KIF24: variants seen among roughly 807,000 people sequenced by gnomAD.
KIF24 encodes the protein kinesin-like protein KIF24.
KIF24 carries 81 observed loss-of-function variants against 118.9 expected under a neutral mutation model. That is an observed-to-expected ratio of 0.68 (90% confidence interval 0.57 to 0.82). The LOEUF is 0.82. Among genes scored for constraint, KIF24 ranks in the 40% least tolerant of loss-of-function variants. The pLI, the probability that KIF24 is intolerant of heterozygous loss-of-function variation, is 0.00. For synonymous variants in KIF24, 599 were observed against 610.0 expected (o/e 0.98, Z 0.27); for missense variants, 1,560 against 1,661.6 (o/e 0.94, Z 1.06).
chr9:34,328,052 A>T (rs1470815927), intron 1 of KIF24, among the ~76,000 whole-genome samples: 2 of 152,154 alleles, frequency 1.3e-5, no homozygotes, highest in East Asian at 3.9e-4. Context: ...TAAGGCCACC[A>T]GTGAGCTATG....
At chr9:34,284,451 C>T (rs967579447) in intron 6 of KIF24, among the ~76,000 whole-genome samples, 1 of 152,030 alleles carries the variant, frequency 6.6e-6, no homozygotes, top group African/African-American at 2.4e-5. Flanking sequence ...TGTTTATTAA[C>T]AGGAGAATGG....
At chr9:34,331,305 A>G (rs1837928146), upstream of KIF24, among the ~76,000 whole-genome samples, 1 of 152,198 alleles carries the variant, frequency 6.6e-6, no homozygotes, top group Admixed American at 6.6e-5. Context: ...AGTAACTCAT[A>G]TATTTAGTAC....
chr9:34,313,234 C>G (rs1837226134), intron 1 of KIF24, among the ~76,000 whole-genome samples: 1 of 152,178 alleles, frequency 6.6e-6, no homozygotes, highest in Non-Finnish European at 1.5e-5. Context: ...TCATCTTAGA[C>G]TATCCAGGCC....
chr9:34,279,739 T>G (rs1032671964), intron 6 of KIF24, among the ~76,000 whole-genome samples: 1 of 152,236 alleles, frequency 6.6e-6, no homozygotes, highest in African/African-American at 2.4e-5. Context: ...TGAGCGAGTA[T>G]GAACAGTGAC....
At chr9:34,328,173 T>C (rs981291622) in intron 1 of KIF24, among the ~76,000 whole-genome samples, 12 of 152,134 alleles carry the variant, frequency 7.9e-5, no homozygotes, top group African/African-American at 1.7e-4. Flanking sequence ...ACCTGATGAA[T>C]AGATGGAGTT....
At chr9:34,291,685 G>A (rs996092057) in intron 4 of KIF24, among the ~76,000 whole-genome samples, 8 of 152,014 alleles carry the variant, frequency 5.3e-5, no homozygotes, top group African/African-American at 1.9e-4. Flanking sequence ...GAGTGTTGTG[G>A]GATTCACCCA....
rs148548871 is a variant in KIF24, at chr9:34,270,190, C to T, written c.1338-828G>A. Among the ~76,000 whole-genome samples the T allele has an allele frequency of 4.2e-3, 620 of 147,240 alleles. 5 individuals carry two copies. The highest frequency in any genetic ancestry group is 0.015 in the African/African-American group (585 of 39,764). On this transcript the variant is annotated intron_variant, in intron 7 of 12. Transcript: ENST00000402558. ...GAGCCAAGATCACGCCACTACACTC[C>T]AGCCTGGCGACAGCAAGACTCCATC...
chr9:34,309,985 A>AC (rs1837075970), intron 2 of KIF24, among the ~76,000 whole-genome samples: 1 of 125,338 alleles, frequency 8.0e-6, no homozygotes, highest in South Asian at 2.8e-4. Flanking sequence ...TTTTTTTTTT[A>AC]CAAGATTAAA....
At chr9:34,320,311 C>T (rs1349673426) in intron 1 of KIF24, among the ~76,000 whole-genome samples, 1 of 140,648 alleles carries the variant, frequency 7.1e-6, no homozygotes. Flanking sequence ...TACAGTTTTT[C>T]TTTTCAATAA....
At chr9:34,284,917 A>G (rs1047378492) in intron 6 of KIF24, among the ~76,000 whole-genome samples, 10 of 152,198 alleles carry the variant, frequency 6.6e-5, no homozygotes, top group Non-Finnish European at 1.2e-4. Flanking sequence ...TAAGGAAAAA[A>G]AGGCTCCAAA....
chr9:34,283,973 G>A (rs1835947345), intron 6 of KIF24, among the ~76,000 whole-genome samples: 3 of 152,190 alleles, frequency 2.0e-5, no homozygotes, highest in African/African-American at 7.2e-5. Context: ...ACAGTCGGCA[G>A]CATTTAGTGT....
chr9:34,325,320 G>A (rs1425073459), intron 1 of KIF24, among the ~76,000 whole-genome samples: 1 of 150,524 alleles, frequency 6.6e-6, no homozygotes, highest in East Asian at 2.0e-4. Flanking sequence ...ACTCCAGCCT[G>A]GGCAGTAGGG....
At chr9:34,311,659 T>C (rs1458347327) in intron 1 of KIF24, among the ~76,000 whole-genome samples, 1 of 101,840 alleles carries the variant, frequency 9.8e-6, no homozygotes, top group Non-Finnish European at 2.2e-5. Context: ...TACGTGTATA[T>C]ACATATATAC....
intron 6 of KIF24, among the ~76,000 whole-genome samples, chr9:34,284,051 T>G (rs1260221169): frequency 6.6e-6 from 1 of 152,084 alleles, no homozygotes; most frequent in East Asian, 1.9e-4. Flanking sequence ...GAGGATTGCT[T>G]GAGCCCAGGA....
chr9:34,285,171 T>A (rs1238985453), intron 6 of KIF24, among the ~76,000 whole-genome samples: 1 of 152,194 alleles, frequency 6.6e-6, no homozygotes. Flanking sequence ...TGACTTTTAT[T>A]ACAATAAAAG....
At chr9:34,298,348 C>G (rs967370731) in intron 3 of KIF24, among the ~76,000 whole-genome samples, 1 of 152,154 alleles carries the variant, frequency 6.6e-6, no homozygotes, top group African/African-American at 2.4e-5. Flanking sequence ...GAGTTTGAGA[C>G]CAGCCTGGCC....
At chr9:34,281,658 G>A (rs1383651474) in intron 6 of KIF24, among the ~76,000 whole-genome samples, 3 of 152,200 alleles carry the variant, frequency 2.0e-5, no homozygotes, top group Non-Finnish European at 4.4e-5. Context: ...AGTAGAATCA[G>A]CTAGAGAGGC....
At chr9:34,290,152 G>C (rs773190738) in intron 5 of KIF24, 22 bp downstream of exon 5, 1 of 1,525,322 alleles carries the variant, frequency 6.6e-7, no homozygotes, top group Admixed American at 1.7e-5. Context: ...CAGATTTATC[G>C]CTTCCCACTC....
intron 6 of KIF24, among the ~76,000 whole-genome samples, chr9:34,284,218 T>C (rs778663518): frequency 2.6e-5 from 4 of 152,038 alleles, no homozygotes; most frequent in Non-Finnish European, 4.4e-5. Flanking sequence ...CAGTGAGCCA[T>C]GTGTTCATGC....
Sources: gnomAD v4.1 joint callset for allele counts (sites outside exome capture counted in the v4.1 genomes callset) on GRCh38, gnomAD v4.1.1 for gene constraint, MANE v1.5 for transcripts, NCBI Gene and HGNC (gene_info 2026-07-23, HGNC 2026-07-21) for gene names.